CAMTA1: variants seen among roughly 807,000 people sequenced by gnomAD.
CAMTA1 encodes the protein calmodulin binding transcription activator 1, also known as calmodulin-binding transcription activator 1.
A neutral mutation model predicts 170.9 loss-of-function variants in CAMTA1; 27 were observed. That is an observed-to-expected ratio of 0.16 (90% CI 0.12 to 0.22). The LOEUF (loss-of-function observed/expected upper bound fraction) is 0.22, where lower values mean the gene tolerates loss of function less well. CAMTA1 is among the 10% of genes least tolerant of loss of function. The pLI is 1.00. For synonymous variants in CAMTA1, 833 were observed against 891.5 expected (o/e 0.93, Z 1.17); for missense variants, 1,619 against 2,217.2 (o/e 0.73, Z 5.42).
At chr1:7,199,648 A>G (rs1192146711) in intron 4 of CAMTA1, among the ~76,000 whole-genome samples, 1 of 147,084 alleles carries the variant, frequency 6.8e-6, no homozygotes, top group African/African-American at 2.5e-5. Context: ...CCGTGTGCGC[A>G]GGGAGAGTTT....
chr1:7,723,456 A>T (rs552651134), intron 11 of CAMTA1, among the ~76,000 whole-genome samples: 1 of 152,198 alleles, frequency 6.6e-6, no homozygotes, highest in East Asian at 1.9e-4. Flanking sequence ...ATAAATAAGG[A>T]CAAATCTTCC....
chr1:7,305,516 A>C (rs1220092195), intron 5 of CAMTA1, among the ~76,000 whole-genome samples: 1 of 151,960 alleles, frequency 6.6e-6, no homozygotes, highest in African/African-American at 2.4e-5. Flanking sequence ...ATGTCTTATA[A>C]ATGGAATTAT....
At chr1:7,112,089 C>G (rs998217199) in intron 4 of CAMTA1, among the ~76,000 whole-genome samples, 3 of 152,028 alleles carry the variant, frequency 2.0e-5, no homozygotes, top group Non-Finnish European at 4.4e-5. Flanking sequence ...TTATTAACCC[C>G]TTATCTGGAG....
chr1:6,924,477 C>G, intron 3 of CAMTA1, among the ~76,000 whole-genome samples: 1 of 152,164 alleles, frequency 6.6e-6, no homozygotes, highest in Middle Eastern at 3.2e-3. Context: ...CTTTCATCCC[C>G]TTGGGGTGCA....
chr1:7,410,897 C>CTGTG (rs35763888), intron 5 of CAMTA1, among the ~76,000 whole-genome samples: 123 of 141,524 alleles, frequency 8.7e-4, no homozygotes, highest in African/African-American at 2.8e-3. Flanking sequence ...GGGTGGGCGT[C>CTGTG]TGTGTGTGTG....
intron 2 of CAMTA1, 127 bp downstream of exon 2, chr1:6,820,377 C>A: frequency 1.2e-6 from 1 of 800,610 alleles, no homozygotes; most frequent in Non-Finnish European, 2.0e-6. Context: ...CACTTAACTG[C>A]TGTGTGATCT....
intron 15 of CAMTA1, 123 bp downstream of exon 15, chr1:7,737,693 G>A: frequency 9.5e-7 from 1 of 1,056,274 alleles, no homozygotes; most frequent in Non-Finnish European, 1.3e-6. Flanking sequence ...TAATGTTTCT[G>A]ATTTTTCTTT....
chr1:7,568,140 A>G (rs927679549), intron 6 of CAMTA1, among the ~76,000 whole-genome samples: 5 of 151,574 alleles, frequency 3.3e-5, no homozygotes, highest in African/African-American at 1.2e-4. Flanking sequence ...CATGATCACT[A>G]TCACCATCAT....
intron 4 of CAMTA1, among the ~76,000 whole-genome samples, chr1:7,120,752 C>T (rs773255105): frequency 1.2e-4 from 19 of 152,134 alleles, no homozygotes; most frequent in Non-Finnish European, 1.9e-4. Flanking sequence ...TAGGAAAGAC[C>T]CAACTGGATG....
intron 6 of CAMTA1, among the ~76,000 whole-genome samples, chr1:7,606,603 A>G (rs1489444470): frequency 6.6e-6 from 1 of 152,188 alleles, no homozygotes; most frequent in Non-Finnish European, 1.5e-5. Context: ...ACTCGTTTGA[A>G]ATGTTCTTTG....
At chr1:7,323,056 AT>A (rs1346046580) in intron 5 of CAMTA1, among the ~76,000 whole-genome samples, 2 of 139,372 alleles carry the variant, frequency 1.4e-5, no homozygotes, top group African/African-American at 5.4e-5. Context: ...TGTTGATTCA[AT>A]TTTTCCCATG....
rs72859212 is a variant in CAMTA1, at chr1:7,144,554, G to T, written c.302+53183G>T. On this transcript the variant is annotated intron_variant, in intron 4 of 22. Coordinates refer to ENST00000303635, the MANE Select transcript of CAMTA1 (RefSeq NM_015215.4). The surrounding 1 kb of genome is among the most constrained non-coding windows in gnomAD (Gnocchi z 4.0). ...GCAGGATTAGAAGATTTGCCTTGTC[G>T]GTGTAGTTTGTGGCTTCAGTGTTGT... Among the ~76,000 whole-genome samples the T allele has an allele frequency of 6.6e-5, 10 of 152,182 alleles. No individual in the cohort carries two copies. Among genetic ancestry groups the T allele is most frequent in the African/African-American group, 2.2e-4 (9 of 41,490 alleles).
intron 4 of CAMTA1, among the ~76,000 whole-genome samples, chr1:7,147,562 A>G (rs1646283052): frequency 6.6e-6 from 1 of 151,512 alleles, no homozygotes; most frequent in African/African-American, 2.4e-5. Flanking sequence ...AAACACAAAC[A>G]TACATCACAC....
At chr1:7,348,237 C>T (rs1413611335) in intron 5 of CAMTA1, among the ~76,000 whole-genome samples, 1 of 152,258 alleles carries the variant, frequency 6.6e-6, no homozygotes, top group East Asian at 1.9e-4. Context: ...CTCAATTCCT[C>T]CTGGCCCAGC....
In CAMTA1 at chr1:7,548,757, C is replaced by G. The variant is rs183239810; in HGVS notation, c.510+80856C>G. On this transcript the variant is annotated intron_variant, in intron 6 of 22. Transcript: ENST00000303635. ...GTGGAGGTGCCCTTGCAGGGTTCCTCTTAGAGGTGGAGATGCCCATGGAGG... is the reference window on the plus strand; with the variant it reads ...GTGGAGGTGCCCTTGCAGGGTTCCTGTTAGAGGTGGAGATGCCCATGGAGG... 3.7e-3 allele frequency among the ~76,000 whole-genome samples: 313 copies of G among 85,132 alleles called. 22 individuals carry two copies. Among genetic ancestry groups the G allele is most frequent in the African/African-American group, 0.011 (298 of 27,034 alleles). The allele number at this position is 85,132 out of a possible 152,430, so 55.8% of individuals were successfully genotyped here.
intron 4 of CAMTA1, among the ~76,000 whole-genome samples, chr1:7,100,875 CA>C (rs750956033): frequency 2.6e-5 from 4 of 152,172 alleles, no homozygotes; most frequent in Non-Finnish European, 5.9e-5. Context: ...CATGGTTCTG[CA>C]TGTGTCTTCT....
Position 7,570,243 on chromosome 1 carries a change from C to T in CAMTA1, c.511-70157C>T, listed in dbSNP as rs539036628. On this transcript the variant is annotated intron_variant, in intron 6 of 22. Transcript: ENST00000303635. This position sits in a 1 kb window ranked among gnomAD's most constrained non-coding sequence, Gnocchi z 4.3. ...ATCCTGAAATTCATCCAGGAGAGTTCTTTTCCCTGGCTTCTGCTTTTGATC... is the reference window on the plus strand; with the variant it reads ...ATCCTGAAATTCATCCAGGAGAGTTTTTTTCCCTGGCTTCTGCTTTTGATC... 6.6e-6 allele frequency among the ~76,000 whole-genome samples: 1 copy of T among 152,334 alleles called. No homozygotes were observed. The highest frequency in any genetic ancestry group is 1.9e-4 in the East Asian group (1 of 5,174).
intron 4 of CAMTA1, among the ~76,000 whole-genome samples, chr1:7,174,122 C>T (rs763304481): frequency 4.6e-5 from 7 of 152,146 alleles, no homozygotes; most frequent in Non-Finnish European, 1.0e-4. Flanking sequence ...GATCAGGGAG[C>T]AGTGCAAAGC....
intron 3 of CAMTA1, among the ~76,000 whole-genome samples, chr1:7,006,425 A>G (rs1384738003): frequency 6.6e-6 from 1 of 152,224 alleles, no homozygotes; most frequent in East Asian, 1.9e-4. Context: ...GTGGGTGGCC[A>G]GATTTATTCC....
Sources: allele counts gnomAD v4.1 joint callset (sites outside exome capture counted in the v4.1 genomes callset), GRCh38; gene constraint gnomAD v4.1.1; non-coding constraint Gnocchi (gnomAD v3.1); transcripts MANE v1.5; gene names NCBI Gene and HGNC (gene_info 2026-07-23, HGNC 2026-07-21).